Variants in DNAJC3 observed in about 807,000 individuals in gnomAD.
DNAJC3 encodes the protein dnaJ homolog subfamily C member 3.
DNAJC3 carries 38 observed loss-of-function variants against 68.6 expected under a neutral mutation model. The observed-to-expected ratio is 0.55, with a 90% CI of 0.43 to 0.73. The LOEUF is 0.73. Ranked by LOEUF, DNAJC3 falls within the 30% of genes least tolerant of loss-of-function variation. DNAJC3 has a pLI of 0.00. For synonymous variants in DNAJC3, 203 were observed against 204.0 expected, an observed-to-expected ratio of 1.00 and a Z score of 0.04; for missense variants, 526 against 591.9, an observed-to-expected ratio of 0.89 and a Z score of 1.16.
intron 1 of DNAJC3, among the ~76,000 whole-genome samples, chr13:95,689,768 G>C (rs9561930): frequency 2.0e-5 from 3 of 151,932 alleles, no homozygotes; most frequent in African/African-American, 7.2e-5. Context: ...CAGCTTTTGT[G>C]GTATCCCAGA....
intron 9 of DNAJC3, among the ~76,000 whole-genome samples, chr13:95,775,411 C>T (rs1229022698): frequency 6.6e-6 from 1 of 152,136 alleles, no homozygotes; most frequent in African/African-American, 2.4e-5. Context: ...TCCTTTTGTT[C>T]TTTCTCACCT....
intron 11 of DNAJC3, 92 bp from the exon 12 acceptor site, chr13:95,790,781 G>GC: frequency 7.2e-7 from 1 of 1,381,004 alleles, no homozygotes; most frequent in Non-Finnish European, 9.9e-7. Flanking sequence ...AGCTCCTCAA[G>GC]CCCACCCACC....
At chr13:95,699,457 G>T (rs1880530773) in intron 1 of DNAJC3, among the ~76,000 whole-genome samples, 1 of 152,098 alleles carries the variant, frequency 6.6e-6, no homozygotes, top group South Asian at 2.1e-4. Flanking sequence ...TTAGATTTCA[G>T]GTTCATCCTG....
chr13:95,694,699 A>C (rs1041194698), intron 1 of DNAJC3: 1 of 152,676 alleles, frequency 6.5e-6, no homozygotes, highest in South Asian at 2.1e-4. Flanking sequence ...TTAATTCTCC[A>C]GACCATCACA....
chr13:95,752,647 C>A (rs935248462), intron 4 of DNAJC3, among the ~76,000 whole-genome samples: 2 of 152,192 alleles, frequency 1.3e-5, no homozygotes, highest in African/African-American at 4.8e-5. Context: ...TATTAATTAA[C>A]TTACAGCACT....
At chr13:95,736,724 A>G (rs1463636472) in intron 4 of DNAJC3, among the ~76,000 whole-genome samples, 2,070 of 147,776 alleles carry the variant, frequency 0.014, 46 homozygotes, top group African/African-American at 0.05. Flanking sequence ...TTTTGGGCTG[A>G]GACAATGGGG....
intron 1 of DNAJC3, among the ~76,000 whole-genome samples, chr13:95,683,451 G>A (rs755555069): frequency 6.6e-6 from 1 of 152,120 alleles, no homozygotes; most frequent in Non-Finnish European, 1.5e-5. Flanking sequence ...CACAAGATCT[G>A]GTTGTTTAAA....
chr13:95,743,001 A>G (rs1239652430), intron 4 of DNAJC3: 5 of 399,994 alleles, frequency 1.3e-5, no homozygotes, highest in South Asian at 5.5e-5. Flanking sequence ...GCCTTTAGGT[A>G]TCAGATTGCT....
intron 4 of DNAJC3, among the ~76,000 whole-genome samples, chr13:95,756,712 G>A (rs770431384): frequency 1.1e-4 from 17 of 152,092 alleles, no homozygotes; most frequent in Non-Finnish European, 1.9e-4. Flanking sequence ...TTGCATCTTA[G>A]TAAGAATATT....
Position 95,779,186 on chromosome 13 carries a change from A to G in DNAJC3, c.1076-6753A>G, listed in dbSNP as rs545742144. Among the ~76,000 whole-genome samples the G allele has an allele frequency of 3.9e-4, 52 of 132,940 alleles. No individual in the cohort carries two copies. In the East Asian group the frequency reaches 6.7e-3, roughly 17 times the overall value. 87.2% of individuals were successfully genotyped at this position (132,940 alleles called of 152,430 possible). A position where few individuals can be genotyped will look rare whatever the true frequency, so the allele number is the denominator to read the frequency against. On this transcript the variant is annotated intron_variant, in intron 9 of 11. Transcript: ENST00000602402. ...GTCGCCCAGGCTGGAGTGCAGTGGCATGATTTCAGCTCAATGCAAGCTCCG... is the reference window on the plus strand; with the variant it reads ...GTCGCCCAGGCTGGAGTGCAGTGGCGTGATTTCAGCTCAATGCAAGCTCCG...
At chr13:95,681,122 G>A (rs1300165986) in intron 1 of DNAJC3, among the ~76,000 whole-genome samples, 3 of 152,126 alleles carry the variant, frequency 2.0e-5, no homozygotes, top group African/African-American at 4.8e-5. Context: ...AAGCATTCAC[G>A]TCCTCTTTTT....
chr13:95,682,948 T>G (rs558632759), intron 1 of DNAJC3, among the ~76,000 whole-genome samples: 116 of 152,348 alleles, frequency 7.6e-4, no homozygotes, highest in Non-Finnish European at 1.5e-3. Context: ...GGATACTGAA[T>G]TAGGTGATAC....
At chr13:95,755,728 G>A (rs1325598059) in intron 4 of DNAJC3, among the ~76,000 whole-genome samples, 1 of 118,634 alleles carries the variant, frequency 8.4e-6, no homozygotes, top group African/African-American at 3.4e-5. Flanking sequence ...CTGCACTCCA[G>A]CCTAGGTGAC....
At chr13:95,747,813 A>G (rs1882348150) in intron 4 of DNAJC3, among the ~76,000 whole-genome samples, 1 of 151,998 alleles carries the variant, frequency 6.6e-6, no homozygotes, top group African/African-American at 2.4e-5. Context: ...GGCTCTAGAG[A>G]GATTCATTGG....
At chr13:95,788,723 C>T (rs1883674912) in intron 11 of DNAJC3, among the ~76,000 whole-genome samples, 1 of 152,156 alleles carries the variant, frequency 6.6e-6, no homozygotes, top group East Asian at 1.9e-4. Flanking sequence ...TTCACTTCCC[C>T]TTCCATTCAC....
At chr13:95,701,497 C>T (rs989097957) in intron 1 of DNAJC3, among the ~76,000 whole-genome samples, 1 of 152,002 alleles carries the variant, frequency 6.6e-6, no homozygotes, top group Non-Finnish European at 1.5e-5. Context: ...TGGCCATCCC[C>T]CTGTAACAGA....
intron 1 of DNAJC3, among the ~76,000 whole-genome samples, chr13:95,696,569 A>T (rs572761555): frequency 7.0e-4 from 103 of 146,940 alleles, no homozygotes; most frequent in Admixed American, 1.4e-3. Context: ...TGCCTTTTTT[A>T]AAAAAAAATT....
chr13:95,759,593 A>C (rs1283245538), intron 5 of DNAJC3, among the ~76,000 whole-genome samples: 4 of 152,338 alleles, frequency 2.6e-5, no homozygotes, highest in African/African-American at 4.8e-5. Flanking sequence ...TTAGCAGAAA[A>C]AAGTATTTTG....
At chr13:95,779,998 G>T (rs907158299) in intron 9 of DNAJC3, among the ~76,000 whole-genome samples, 1 of 152,164 alleles carries the variant, frequency 6.6e-6, no homozygotes, top group African/African-American at 2.4e-5. Context: ...TAGTCCTCTG[G>T]ATGTCAGTTT....
Sources: gnomAD v4.1 joint callset for allele counts (sites outside exome capture counted in the v4.1 genomes callset) on GRCh38, gnomAD v4.1.1 for gene constraint, MANE v1.5 for transcripts, NCBI Gene and HGNC (gene_info 2026-07-23, HGNC 2026-07-21) for gene names.